The following CCN4 variants were observed in gnomAD, a reference collection of about 807,000 sequenced individuals.
CCN4 encodes the protein CCN family member 4.
In CCN4, 30 loss-of-function variants were observed where a neutral mutation model predicts 36.7. The ratio of observed to expected loss-of-function variants is 0.82; its 90% confidence interval spans 0.61 to 1.11. CCN4 has a LOEUF of 1.11. CCN4 is among the 50% of genes least tolerant of loss of function. The pLI, the probability that CCN4 is intolerant of heterozygous loss-of-function variation, is 0.00. For missense variants in CCN4, 505 were observed against 504.9 expected (o/e 1.00, Z 0.00); for synonymous variants, 191 against 195.4 (o/e 0.98, Z 0.19).
intron 2 of CCN4, among the ~76,000 whole-genome samples, chr8:133,215,983 CTA>C: frequency 7.1e-6 from 1 of 141,840 alleles, no homozygotes; most frequent in Middle Eastern, 3.5e-3. Flanking sequence ...ACCCATTACA[CTA>C]CACACACACA....
chr8:133,197,138 C>T (rs1371370811), intron 1 of CCN4, among the ~76,000 whole-genome samples: 1 of 151,962 alleles, frequency 6.6e-6, no homozygotes, highest in Non-Finnish European at 1.5e-5. Flanking sequence ...AGATGTGTAT[C>T]TTACTAACCT....
In CCN4 at chr8:133,212,860, G is replaced by A. The variant is rs754460120; in HGVS notation, c.70-4G>A. 6 of 1,452,344 alleles carry A rather than the reference G, an allele frequency of 4.1e-6. No individual in the cohort carries two copies. Among genetic ancestry groups the A allele is most frequent in the Middle Eastern group, 2.4e-4 (1 of 4,162 alleles). The allele number at this position is 1,452,344 out of a possible 1,614,324, so 90.0% of individuals were successfully genotyped here. ...CCCCCTTTCCCTCTGCCCTCCCCCC[G>A]CAGGCCCTCTCTCCAGCCCCTACGA... On this transcript the variant is annotated splice_region_variant and splice_polypyrimidine_tract_variant and intron_variant, in intron 1 of 4. Transcript: ENST00000250160.
chr8:133,218,661 C>T (rs1029850635), intron 2 of CCN4, among the ~76,000 whole-genome samples: 11 of 152,194 alleles, frequency 7.2e-5, no homozygotes, highest in African/African-American at 2.7e-4. Flanking sequence ...TGGCCCACTG[C>T]AGATTCCAAA....
chr8:133,224,706 G>A (rs540163862), intron 3 of CCN4, among the ~76,000 whole-genome samples: 3 of 152,068 alleles, frequency 2.0e-5, no homozygotes, highest in Middle Eastern at 3.4e-3. Flanking sequence ...AGGCTGAGGC[G>A]GGTGGATCAC....
intron 1 of CCN4, among the ~76,000 whole-genome samples, chr8:133,201,961 C>A (rs7005834): frequency 6.6e-6 from 1 of 151,946 alleles, no homozygotes; most frequent in South Asian, 2.1e-4. Context: ...ATGTAGGGTT[C>A]GTTATATTAT....
At chr8:133,215,379 C>T (rs559405530) in intron 2 of CCN4, among the ~76,000 whole-genome samples, 1 of 152,306 alleles carries the variant, frequency 6.6e-6, no homozygotes, top group African/African-American at 2.4e-5. Flanking sequence ...CTAGAACCAC[C>T]TCCAGTTATA....
At chr8:133,226,210 A>T (rs1017293499) in intron 4 of CCN4, among the ~76,000 whole-genome samples, 27 of 152,228 alleles carry the variant, frequency 1.8e-4, no homozygotes, top group African/African-American at 6.5e-4. Context: ...CTCCTCACTC[A>T]TGCCTTAGGA....
chr8:133,209,776 A>T (rs1329936597), intron 1 of CCN4, among the ~76,000 whole-genome samples: 1 of 152,208 alleles, frequency 6.6e-6, no homozygotes, highest in Non-Finnish European at 1.5e-5. Flanking sequence ...TGGGTGTAAG[A>T]GGAGACAGGC....
At chr8:133,210,383 A>AGG (rs1304040277) in intron 1 of CCN4, among the ~76,000 whole-genome samples, 4 of 135,760 alleles carry the variant, frequency 2.9e-5, no homozygotes, top group Admixed American at 1.5e-4. Flanking sequence ...AGTCAAAAAG[A>AGG]GGGGTGTGTG....
chr8:133,220,401 T>G (rs1854474707), intron 2 of CCN4, among the ~76,000 whole-genome samples, 180 bp from the exon 3 acceptor site: 1 of 152,104 alleles, frequency 6.6e-6, no homozygotes, highest in African/African-American at 2.4e-5. Context: ...CACCAAACAC[T>G]CAGCCCTGCC....
chr8:133,213,985 GT>G (rs1438248765), intron 2 of CCN4, among the ~76,000 whole-genome samples: 100 of 770 alleles, frequency 0.13, no homozygotes, highest in African/African-American at 0.18. Context: ...ATATATAGTA[GT>G]TATATATACT....
chr8:133,194,463 TG>T (rs1564248143), intron 1 of CCN4, among the ~76,000 whole-genome samples: 1 of 52,402 alleles, frequency 1.9e-5, no homozygotes, highest in African/African-American at 1.2e-4. Flanking sequence ...GGTATGTGTG[TG>T]GGGTGTGTGT....
chr8:133,223,109 G>C (rs1854592645), intron 3 of CCN4, among the ~76,000 whole-genome samples: 1 of 152,026 alleles, frequency 6.6e-6, no homozygotes, highest in Admixed American at 6.5e-5. Flanking sequence ...AGTCCTGTGA[G>C]GATAGGAGGA....
rs947006995 is a variant in CCN4, at chr8:133,201,718, C to A, written c.69+10505C>A. On this transcript the variant is annotated intron_variant, in intron 1 of 4. Transcript: ENST00000250160. ...ATTAGCAGGGCCTGGTGGGAGGCAT[C>A]TGTAATCCCAGCTACTCGGGAGGCT... Among the ~76,000 whole-genome samples, 85 of 152,222 alleles carry A rather than the reference C, an allele frequency of 5.6e-4. 1 individual carries two copies. The highest frequency in any genetic ancestry group is 5.6e-3 in the Admixed American group (85 of 15,276).
intron 1 of CCN4, among the ~76,000 whole-genome samples, chr8:133,210,995 A>C (rs1854003535): frequency 6.6e-6 from 1 of 152,230 alleles, no homozygotes; most frequent in African/African-American, 2.4e-5. Flanking sequence ...TGAAAGCTTC[A>C]AGTCGGGTTT....
intron 1 of CCN4, among the ~76,000 whole-genome samples, chr8:133,201,844 A>AAAAAGAAAAG (rs145650035): frequency 2.5e-4 from 37 of 147,620 alleles, no homozygotes; most frequent in African/African-American, 9.1e-4. Flanking sequence ...TTCAGTCTCA[A>AAAAAGAAAAG]AAAAGAAAAG....
At chr8:133,204,255 C>G (rs768553724) in intron 1 of CCN4, among the ~76,000 whole-genome samples, 19 of 152,152 alleles carry the variant, frequency 1.2e-4, no homozygotes, top group African/African-American at 4.6e-4. Flanking sequence ...CTGCACAAGA[C>G]CTGCTTACAG....
At chr8:133,225,784 G>A (rs1251607956) in intron 4 of CCN4, among the ~76,000 whole-genome samples, 1 of 152,082 alleles carries the variant, frequency 6.6e-6, no homozygotes, top group Non-Finnish European at 1.5e-5. Flanking sequence ...TGGAAGCTTT[G>A]GTAGGTATCA....
At chr8:133,223,641 TCA>T (rs3842199) in intron 3 of CCN4, among the ~76,000 whole-genome samples, 2 of 151,430 alleles carry the variant, frequency 1.3e-5, no homozygotes, top group African/African-American at 2.4e-5. Flanking sequence ...TTTCTCTCTC[TCA>T]CACACACACA....
Sources: gnomAD v4.1 joint callset for allele counts (sites outside exome capture counted in the v4.1 genomes callset) on GRCh38, gnomAD v4.1.1 for gene constraint, MANE v1.5 for transcripts, NCBI Gene and HGNC (gene_info 2026-07-23, HGNC 2026-07-21) for gene names.